DLG2: variants seen among roughly 807,000 people sequenced by gnomAD.
DLG2 encodes the protein discs large MAGUK scaffold protein 2, also known as disks large homolog 2.
In DLG2, 45 loss-of-function variants were observed where a neutral mutation model predicts 132.5. The ratio of observed to expected loss-of-function variants is 0.34; its 90% confidence interval spans 0.27 to 0.44. The LOEUF (loss-of-function observed/expected upper bound fraction) is 0.44, where lower values mean the gene tolerates loss of function less well. Among genes scored for constraint, DLG2 ranks in the 20% least tolerant of loss-of-function variants. The pLI is 1.00. For missense variants in DLG2, 1,045 were observed against 1,196.9 expected, an observed-to-expected ratio of 0.87 and a Z score of 1.87; for synonymous variants, 424 against 419.6, an observed-to-expected ratio of 1.01 and a Z score of -0.13.
At chr11:85,441,779 A>G (rs1453691294) in intron 3 of DLG2, among the ~76,000 whole-genome samples, 1 of 152,208 alleles carries the variant, frequency 6.6e-6, no homozygotes, top group Non-Finnish European at 1.5e-5. Flanking sequence ...GAGGATATAA[A>G]AATGAATGAC....
At chr11:83,537,540 C>T (rs369320388) in intron 20 of DLG2, among the ~76,000 whole-genome samples, 41 of 152,124 alleles carry the variant, frequency 2.7e-4, no homozygotes, top group South Asian at 8.3e-4. Context: ...GACAGCCAGG[C>T]GCGGTGGCTT....
intron 6 of DLG2, among the ~76,000 whole-genome samples, chr11:85,007,800 A>G (rs961300340): frequency 6.6e-6 from 1 of 152,114 alleles, no homozygotes; most frequent in Non-Finnish European, 1.5e-5. Flanking sequence ...CTCATCTGCA[A>G]TATAAGATTG....
intron 9 of DLG2, among the ~76,000 whole-genome samples, chr11:84,151,538 T>C (rs1011786371): frequency 6.6e-6 from 1 of 152,180 alleles, no homozygotes; most frequent in Non-Finnish European, 1.5e-5. Flanking sequence ...TTTTTGCATC[T>C]TGATTTTATT....
At chr11:85,173,222 G>C (rs765657097) in intron 4 of DLG2, among the ~76,000 whole-genome samples, 28 of 152,174 alleles carry the variant, frequency 1.8e-4, no homozygotes, top group Admixed American at 6.5e-5. Flanking sequence ...AGCAGCCAGA[G>C]AGAAAGGCCA....
At chr11:83,727,422 G>T (rs1478473444) in intron 18 of DLG2, among the ~76,000 whole-genome samples, 1 of 152,148 alleles carries the variant, frequency 6.6e-6, no homozygotes, top group Non-Finnish European at 1.5e-5. Context: ...TGGTGCACAG[G>T]GGAGAGGTTT....
rs970365036 is a variant in DLG2, at chr11:84,460,291, G to A, written c.519+74279C>T. Among the ~76,000 whole-genome samples, 3 of 150,512 alleles carry A rather than the reference G, an allele frequency of 2.0e-5. No individual in the cohort carries two copies. In the East Asian group the frequency reaches 5.8e-4, roughly 29 times the overall value. ...TTAGGATCTATTCATCTTTATGAAC[G>A]AGGGTAGGCCATAGAATTATTTTTG... On this transcript the variant is annotated intron_variant, in intron 7 of 27. Coordinates refer to ENST00000376104, the MANE Select transcript of DLG2 (RefSeq NM_001142699.3).
intron 27 of DLG2, among the ~76,000 whole-genome samples, chr11:83,460,248 C>A (rs115421417): frequency 0.019 from 2,831 of 152,248 alleles, 80 homozygotes; most frequent in African/African-American, 0.064. Context: ...CTGAGCCAGG[C>A]ACTGAGCTGG....
chr11:84,226,389 A>T (rs1445677805), intron 8 of DLG2, among the ~76,000 whole-genome samples: 1 of 152,202 alleles, frequency 6.6e-6, no homozygotes, highest in Admixed American at 6.5e-5. Context: ...CCCTAAAAGT[A>T]GCATGAAGTT....
At chr11:84,253,327 C>G (rs1230765759) in intron 7 of DLG2, among the ~76,000 whole-genome samples, 1 of 152,106 alleles carries the variant, frequency 6.6e-6, no homozygotes, top group Non-Finnish European at 1.5e-5. Flanking sequence ...AGTCCACTAA[C>G]CCTCTCTGAT....
chr11:85,479,666 T>A (rs939278680), intron 3 of DLG2, among the ~76,000 whole-genome samples: 8 of 152,152 alleles, frequency 5.3e-5, no homozygotes, highest in African/African-American at 1.9e-4. Context: ...ATTCATTGAA[T>A]TGGTTTGCGA....
intron 3 of DLG2, among the ~76,000 whole-genome samples, chr11:85,490,304 T>A (rs1231049918): frequency 7.2e-5 from 11 of 151,912 alleles, no homozygotes; most frequent in Non-Finnish European, 1.6e-4. Flanking sequence ...ACTATTTTTG[T>A]AGAAAATAGT....
chr11:84,227,830 C>A (rs2097025576), intron 8 of DLG2, among the ~76,000 whole-genome samples: 1 of 150,010 alleles, frequency 6.7e-6, no homozygotes, highest in Non-Finnish European at 1.5e-5. Flanking sequence ...AGGAGAATCA[C>A]TTGAACTCGG....
Position 83,458,726 on chromosome 11 carries a change from C to T in DLG2, c.*1092G>A, listed in dbSNP as rs1048507512. On this transcript the variant is annotated 3_prime_UTR_variant, in exon 28 of 28. Transcript: ENST00000376104. ...TGCATGGCAGGCTCAGGTTATTTAA[C>T]TAGAGGAAAGCAAAAACTTCCCTTT... The T allele has an allele frequency of 1.3e-5, 2 of 152,202 alleles. No homozygotes were observed. The highest frequency in any genetic ancestry group is 4.8e-5 in the African/African-American group (2 of 41,446). The allele number at this position is 152,202 out of a possible 1,614,324, so 9.4% of individuals were successfully genotyped here.
chr11:83,608,202 G>A (rs1215226864), intron 19 of DLG2, among the ~76,000 whole-genome samples: 3 of 152,070 alleles, frequency 2.0e-5, no homozygotes, highest in Admixed American at 6.5e-5. Flanking sequence ...TACACCTAAC[G>A]TACCAAACAT....
At chr11:85,269,756 G>A (rs1212387222) in intron 4 of DLG2, among the ~76,000 whole-genome samples, 2 of 152,040 alleles carry the variant, frequency 1.3e-5, no homozygotes, top group African/African-American at 2.4e-5. Flanking sequence ...GTCTGCTCTT[G>A]TTCTGTTTTG....
rs971577730 is a variant in DLG2, at chr11:84,553,641, G to A, written c.358-18910C>T. On this transcript the variant is annotated intron_variant, in intron 6 of 27. Coordinates refer to ENST00000376104, the MANE Select transcript of DLG2 (RefSeq NM_001142699.3). The stretch of plus-strand genomic sequence containing the variant: ...AAAGGAACAGCAGACTAGAACTCAC[G>A]GAGGAGGAACCATAAAGGTTAACTT... 4.6e-5 allele frequency among the ~76,000 whole-genome samples: 7 copies of A among 152,260 alleles called. No individual in the cohort carries two copies. The East Asian group carries it at 9.6e-4, about 21-fold the overall frequency.
At chr11:83,758,602 T>G (rs978642480) in intron 18 of DLG2, among the ~76,000 whole-genome samples, 4 of 152,188 alleles carry the variant, frequency 2.6e-5, no homozygotes, top group African/African-American at 9.7e-5. Context: ...CAAGTCTCAG[T>G]GTCCTAATGT....
chr11:84,377,134 G>A (rs2098732567), intron 7 of DLG2, among the ~76,000 whole-genome samples: 1 of 151,996 alleles, frequency 6.6e-6, no homozygotes, highest in African/African-American at 2.4e-5. Flanking sequence ...CATCTGTGAA[G>A]TATCCATGCT....
At chr11:84,169,657 G>A (rs1423522514) in intron 8 of DLG2, among the ~76,000 whole-genome samples, 4 of 151,482 alleles carry the variant, frequency 2.6e-5, no homozygotes, top group Admixed American at 6.6e-5. Context: ...TGGATCACTC[G>A]AAGTCAGGAG....
Sources: allele counts gnomAD v4.1 joint callset (sites outside exome capture counted in the v4.1 genomes callset), GRCh38; gene constraint gnomAD v4.1.1; transcripts MANE v1.5; gene names NCBI Gene and HGNC (gene_info 2026-07-23, HGNC 2026-07-21).